The following HERC4 variants were observed in gnomAD, a reference collection of about 807,000 sequenced individuals.
HERC4 encodes probable E3 ubiquitin-protein ligase HERC4.
In HERC4, 28 loss-of-function variants were observed where a neutral mutation model predicts 124.3. The observed-to-expected ratio is 0.23, with a 90% confidence interval of 0.17 to 0.31. The LOEUF is 0.31. Ranked by LOEUF, HERC4 falls within the 10% of genes least tolerant of loss-of-function variation. The pLI, the probability that HERC4 is intolerant of heterozygous loss-of-function variation, is 1.00. For synonymous variants in HERC4, 407 were observed against 421.5 expected (o/e 0.97, Z 0.42); for missense variants, 713 against 1,229.3 (o/e 0.58, Z 6.28).
chr10:68,037,091 C>CTTA (rs2039515239), intron 5 of HERC4, among the ~76,000 whole-genome samples: 1 of 106,948 alleles, frequency 9.4e-6, no homozygotes, highest in Non-Finnish European at 1.8e-5. Context: ...CCTATTTCTT[C>CTTA]TTTTTTTTTT....
chr10:67,926,516 T>C (rs995509763), intron 23 of HERC4, among the ~76,000 whole-genome samples: 1 of 152,174 alleles, frequency 6.6e-6, no homozygotes, highest in Non-Finnish European at 1.5e-5. Context: ...CCAGCCGCAG[T>C]TGGCTTTAAC....
Position 67,939,595 on chromosome 10 carries a change from T to C in HERC4, c.2564A>G (p.Asn855Ser), listed in dbSNP as rs1293822736. ...EDDIEETFCL[N>S]FTITVENFGA... is the part of the protein sequence containing the mutation. ...TATGTCCTTCCATCTTACCGTAAAA[T>C]TAAGACAAAATGTTTCCTCTATGTC... The change falls in exon 21 of 25, where the codon AAT (asparagine) becomes AGT (serine). Residue 855 changes from asparagine to serine, a missense_variant. Transcript: ENST00000373700. The C allele has an allele frequency of 6.2e-7, 1 of 1,603,624 alleles. No homozygotes were observed. Among genetic ancestry groups the C allele is most frequent in the Admixed American group, 1.7e-5 (1 of 58,920 alleles).
rs557779238 is a variant in HERC4, at chr10:68,014,085, C to G, written c.1010G>C (p.Ser337Thr). The change falls in exon 9 of 25, where the codon AGC (serine) becomes ACC (threonine). Residue 337 changes from serine to threonine, a missense_variant. By Grantham distance (58) the Ser-to-Thr change is moderately conservative. Coordinates refer to ENST00000373700, the MANE Select transcript of HERC4 (RefSeq NM_015601.4). ...LGTGSTSNRKSPFTVKGNWYP... is the reference protein window; with the variant it reads ...LGTGSTSNRKTPFTVKGNWYP... Reference sequence around the variant, plus strand: ...CCAATTTCCTTTTACAGTAAAGGGGCTTTTCCTGTTGCTTGTTGAACCGGT... The same window carrying G: ...CCAATTTCCTTTTACAGTAAAGGGGGTTTTCCTGTTGCTTGTTGAACCGGT... 1 of 1,613,636 alleles carries G rather than the reference C, an allele frequency of 6.2e-7. No individual in the cohort carries two copies. Among genetic ancestry groups the G allele is most frequent in the South Asian group, 1.1e-5 (1 of 91,024 alleles).
chr10:67,955,858 T>C (rs2034110733), intron 17 of HERC4: 1 of 152,238 alleles, frequency 6.6e-6, no homozygotes, highest in Non-Finnish European at 1.5e-5. Context: ...GATCATGGTA[T>C]GTGCTCACGA....
chr10:68,040,323 A>G (rs2039696071), intron 4 of HERC4: 2 of 961,212 alleles, frequency 2.1e-6, no homozygotes, highest in Admixed American at 1.2e-4. Flanking sequence ...TGTTAAAGAA[A>G]AAACTATCCC....
At chr10:68,011,460 T>C (rs1564544531) in intron 9 of HERC4, among the ~76,000 whole-genome samples, 1 of 152,222 alleles carries the variant, frequency 6.6e-6, no homozygotes, top group Non-Finnish European at 1.5e-5. Context: ...TTACTCCTTG[T>C]TCCTACAGCA....
At chr10:67,934,193 CTATTA>C (rs1182255550) in intron 22 of HERC4, among the ~76,000 whole-genome samples, 2 of 152,072 alleles carry the variant, frequency 1.3e-5, no homozygotes, top group African/African-American at 2.4e-5. Flanking sequence ...CCCTGTACAT[CTATTA>C]TATTTATATA....
chr10:67,993,948 A>G lies in HERC4; in HGVS notation c.1070-1266T>C, dbSNP rs765461453. The G allele has an allele frequency of 7.9e-5, 12 of 152,206 alleles. 1 individual carries two copies. Among genetic ancestry groups the G allele is most frequent in the Non-Finnish European group, 1.3e-4 (9 of 68,034 alleles). The allele number at this position is 152,206 out of a possible 1,614,324, so 9.4% of individuals were successfully genotyped here. The stretch of plus-strand genomic sequence containing the variant: ...ATAGAATTATCCATTCTTTTCAAGG[A>G]AATGACCACATGTTAATTTCCTTGA... On this transcript the variant is annotated intron_variant, in intron 9 of 24. Coordinates refer to ENST00000373700, the MANE Select transcript of HERC4 (RefSeq NM_015601.4).
chr10:68,038,037 C>T (rs906377630), intron 5 of HERC4, 56 bp downstream of exon 5: 19 of 987,854 alleles, frequency 1.9e-5, no homozygotes, highest in Non-Finnish European at 2.7e-5. Flanking sequence ...TATGCACAAT[C>T]AAAAAAGTAT....
intron 4 of HERC4, chr10:68,039,315 C>CAAAA (rs5785844): frequency 2.8e-5 from 31 of 1,097,882 alleles, no homozygotes; most frequent in South Asian, 5.8e-5. Flanking sequence ...GACCCTGTCT[C>CAAAA]AAAAAAAAAA....
intron 19 of HERC4, among the ~76,000 whole-genome samples, chr10:67,947,192 G>C (rs995181029): frequency 2.0e-5 from 3 of 152,094 alleles, no homozygotes; most frequent in African/African-American, 7.2e-5. Context: ...TACAACATAC[G>C]GATGGACCAT....
chr10:67,949,081 G>A (rs756433315), intron 19 of HERC4, among the ~76,000 whole-genome samples: 6 of 151,366 alleles, frequency 4.0e-5, no homozygotes, highest in Admixed American at 2.6e-4. Flanking sequence ...GTGAAACCCC[G>A]TTTCTACTAA....
In HERC4 at chr10:67,939,589, G is replaced by A. The variant is rs756494341; in HGVS notation, c.2570C>T (p.Thr857Met). The change falls in exon 21 of 25, where the codon ACG (threonine) becomes ATG (methionine). Residue 857 changes from threonine (T) to methionine (M), a missense_variant and splice_region_variant. By Grantham distance (81) the Thr-to-Met change is moderately conservative (BLOSUM62 -1). Transcript: ENST00000373700. ...DIEETFCLNFTITVENFGATE... is the reference protein window; with the variant it reads ...DIEETFCLNFMITVENFGATE... ...CTAACCTATGTCCTTCCATCTTACC[G>A]TAAAATTAAGACAAAATGTTTCCTC... The A allele has an allele frequency of 9.4e-6, 15 of 1,596,452 alleles. No individual in the cohort carries two copies. Among genetic ancestry groups the A allele is most frequent in the African/African-American group, 2.7e-5 (2 of 74,338 alleles).
chr10:67,959,159 A>G (rs2034335961), intron 16 of HERC4: 1 of 1,573,786 alleles, frequency 6.4e-7, no homozygotes, highest in Non-Finnish European at 8.6e-7. Context: ...TGCAGAATAT[A>G]ACAATAACGA....
At chr10:68,023,433 G>A (rs2038744557) in intron 8 of HERC4, among the ~76,000 whole-genome samples, 1 of 152,184 alleles carries the variant, frequency 6.6e-6, no homozygotes, top group African/African-American at 2.4e-5. Flanking sequence ...ACACTACGCT[G>A]AGTGAGATAA....
intron 7 of HERC4, among the ~76,000 whole-genome samples, chr10:68,032,339 T>A (rs960448220): frequency 6.6e-6 from 1 of 152,202 alleles, no homozygotes; most frequent in Non-Finnish European, 1.5e-5. Context: ...ACTTGGCCTA[T>A]GAATAACAGA....
intron 7 of HERC4, 119 bp from the exon 8 acceptor site, chr10:68,025,795 C>T: frequency 5.3e-6 from 5 of 939,856 alleles, no homozygotes; most frequent in African/African-American, 1.7e-5. Flanking sequence ...TAAGAACTGT[C>T]TTCACAATTT....
intron 19 of HERC4, among the ~76,000 whole-genome samples, chr10:67,947,061 G>T (rs754905676): frequency 2.6e-5 from 4 of 152,220 alleles, no homozygotes; most frequent in Non-Finnish European, 5.9e-5. Context: ...GCACTGGACA[G>T]ATCATTCTAA....
intron 8 of HERC4, among the ~76,000 whole-genome samples, chr10:68,017,549 T>C (rs1330538921): frequency 6.6e-6 from 1 of 152,246 alleles, no homozygotes; most frequent in Admixed American, 6.5e-5. Context: ...AGTGGTGCAA[T>C]CTCAGCTCAC....
Sources: allele counts gnomAD v4.1 joint callset (sites outside exome capture counted in the v4.1 genomes callset), GRCh38; gene constraint gnomAD v4.1.1; transcripts MANE v1.5; gene names NCBI Gene and HGNC (gene_info 2026-07-23, HGNC 2026-07-21).